The following ADGRV1 variants were observed in gnomAD, a reference collection of about 807,000 sequenced individuals.
The protein encoded by ADGRV1 is G-protein coupled receptor 98.
In ADGRV1, 359 loss-of-function variants were observed where a neutral mutation model predicts 596.2. The ratio of observed to expected loss-of-function variants is 0.60; its 90% CI spans 0.55 to 0.66. The LOEUF (loss-of-function observed/expected upper bound fraction) is 0.66. ADGRV1 is among the 30% of genes least tolerant of loss of function. The pLI, the probability that ADGRV1 is intolerant of heterozygous loss-of-function variation, is 0.00. For missense variants in ADGRV1, 7,274 were observed against 7,575.6 expected (o/e 0.96, Z 1.48); for synonymous variants, 2,681 against 2,679.2 (o/e 1.00, Z -0.02).
At chr5:90,681,589 CA>C (rs1744937116) in intron 27 of ADGRV1, 135 bp downstream of exon 27, 1 of 783,518 alleles carries the variant, frequency 1.3e-6, no homozygotes, top group Non-Finnish European at 1.9e-6. Flanking sequence ...ACAGGCAATA[CA>C]AATTGGTGAT....
At chr5:90,653,008 A>G (rs1405899552) in intron 19 of ADGRV1, among the ~76,000 whole-genome samples, 3 of 152,224 alleles carry the variant, frequency 2.0e-5, no homozygotes, top group Non-Finnish European at 4.4e-5. Context: ...ACTGATTATC[A>G]ATAAAATTAT....
intron 21 of ADGRV1, among the ~76,000 whole-genome samples, chr5:90,661,376 C>T (rs4916682): frequency 0.74 from 112,612 of 152,066 alleles, 42,819 homozygotes; most frequent in African/African-American, 0.91. Context: ...TTCATGAAAA[C>T]AAGAATATCA....
chr5:90,651,924 A>G (rs927838435), intron 18 of ADGRV1, among the ~76,000 whole-genome samples, 194 bp downstream of exon 18: 1 of 152,256 alleles, frequency 6.6e-6, no homozygotes, highest in African/African-American at 2.4e-5. Flanking sequence ...TCTTTTAGCT[A>G]GTAAGCAGAA....
At chr5:90,634,599 G>C (rs1212522866) in intron 9 of ADGRV1, among the ~76,000 whole-genome samples, 1 of 152,120 alleles carries the variant, frequency 6.6e-6, no homozygotes, top group Non-Finnish European at 1.5e-5. Context: ...TGGAAGTGTG[G>C]GTCAGTGGAA....
At chr5:90,790,785 T>C in intron 69 of ADGRV1, 88 bp from the exon 70 acceptor site, 1 of 812,780 alleles carries the variant, frequency 1.2e-6, no homozygotes, top group Non-Finnish European at 1.9e-6. Flanking sequence ...TTTTTTTTTG[T>C]ATATTATAGA....
At chr5:91,147,575 C>T (rs1795658922) in intron 87 of ADGRV1, among the ~76,000 whole-genome samples, 1 of 152,172 alleles carries the variant, frequency 6.6e-6, no homozygotes, top group Non-Finnish European at 1.5e-5. Flanking sequence ...TCTCTCCTGC[C>T]TCCCTGTGAA....
At chr5:90,757,925 G>C (rs1320441218) in intron 57 of ADGRV1, among the ~76,000 whole-genome samples, 1 of 152,116 alleles carries the variant, frequency 6.6e-6, no homozygotes. Context: ...TGTTGCTCAT[G>C]GGGGGCGGTA....
At chr5:90,775,320 A>G (rs578158562) in intron 60 of ADGRV1, among the ~76,000 whole-genome samples, 3 of 152,316 alleles carry the variant, frequency 2.0e-5, no homozygotes, top group African/African-American at 7.2e-5. Flanking sequence ...TAAGGGAATG[A>G]CATCACTGCA....
chr5:90,822,170 C>G (rs1310024772), intron 75 of ADGRV1: 2 of 153,832 alleles, frequency 1.3e-5, no homozygotes, highest in Admixed American at 1.3e-4. Context: ...GTGGGAGTGA[C>G]CCGATTTTCC....
Position 90,823,602 on chromosome 5 carries a change from A to C in ADGRV1, c.16368+6A>C. ...TTGAACTCAAACCAGAAAAGGTAAG[A>C]AATGAAGAGACACACTAGTGTCAAC... On this transcript the variant is annotated splice_donor_region_variant and intron_variant, in intron 76 of 89. Transcript: ENST00000405460. 1 of 1,611,498 alleles carries C rather than the reference A, an allele frequency of 6.2e-7. No individual in the cohort carries two copies. Among genetic ancestry groups the C allele is most frequent in the Non-Finnish European group, 8.5e-7 (1 of 1,177,886 alleles).
intron 86 of ADGRV1, among the ~76,000 whole-genome samples, chr5:91,075,470 G>C (rs1283550919): frequency 6.6e-6 from 1 of 152,086 alleles, no homozygotes; most frequent in Non-Finnish European, 1.5e-5. Flanking sequence ...CTGATTATCA[G>C]AAAAAGATAG....
intron 55 of ADGRV1, among the ~76,000 whole-genome samples, chr5:90,756,018 A>T (rs914178716): frequency 1.3e-4 from 19 of 151,474 alleles, no homozygotes; most frequent in South Asian, 2.1e-4. Context: ...ATTTTTCATT[A>T]TGCAAAAACA....
At position 90,653,193 on chromosome 5, in the gene ADGRV1, A is replaced by C. The variant is rs931462225; in HGVS notation, c.3635-16A>C. The C allele has an allele frequency of 1.1e-5, 17 of 1,572,328 alleles. No homozygotes were observed. In the African/African-American group the frequency reaches 1.4e-4, roughly 13 times the overall value. On this transcript the variant is annotated splice_polypyrimidine_tract_variant and intron_variant, in intron 19 of 89. Coordinates refer to ENST00000405460, the MANE Select transcript of ADGRV1 (RefSeq NM_032119.4). ...TTGAAATTCTAGTTTCTCACTCATA[A>C]ATTTTCTTGTTACAGGTGGATCCCC...
chr5:91,055,729 A>G (rs1786782871), intron 85 of ADGRV1, among the ~76,000 whole-genome samples: 2 of 152,318 alleles, frequency 1.3e-5, no homozygotes, highest in African/African-American at 4.8e-5. Context: ...GTTTTGGTGT[A>G]TTTCCACACA....
intron 84 of ADGRV1, among the ~76,000 whole-genome samples, chr5:90,983,754 A>G (rs1242012019): frequency 6.6e-6 from 1 of 152,248 alleles, no homozygotes; most frequent in African/African-American, 2.4e-5. Flanking sequence ...AATTACAGAT[A>G]TAAGCAGATG....
At chr5:90,672,854 A>G (rs1413172620) in intron 22 of ADGRV1, 132 bp downstream of exon 22, 2 of 651,338 alleles carry the variant, frequency 3.1e-6, no homozygotes, top group East Asian at 2.6e-5. Context: ...TAACTGATAC[A>G]TTAGAATTTG....
At position 90,629,399 on chromosome 5, in the gene ADGRV1, C is replaced by T. The variant is rs374372793; in HGVS notation, c.1699C>T (p.Pro567Ser). Residue 567 changes from proline (P) to serine (S), a missense_variant, in exon 9 of 90, where the codon CCC becomes TCC. Physicochemically the swap from Pro to Ser is moderately conservative, Grantham distance 74 (BLOSUM62 -1). Transcript: ENST00000405460. ...VLYIPAGAVD[P>S]LQAKEGILNI... is the part of the protein sequence containing the mutation. ...TTACATTCCTGCTGGAGCTGTGGAC[C>T]CCTTGCAAGCAAAAGAAGGCATCTT... 6.2e-7 allele frequency: 1 copy of T among 1,613,384 alleles called. No homozygotes were observed. The highest frequency in any genetic ancestry group is 8.5e-7 in the Non-Finnish European group (1 of 1,179,794).
intron 85 of ADGRV1, among the ~76,000 whole-genome samples, chr5:91,008,743 C>T (rs1432750470): frequency 6.6e-6 from 1 of 152,058 alleles, no homozygotes; most frequent in Non-Finnish European, 1.5e-5. Context: ...TCAAGATATC[C>T]TTCCGTCTCG....
At chr5:90,920,563 A>T (rs1773789876) in intron 83 of ADGRV1, among the ~76,000 whole-genome samples, 1 of 152,212 alleles carries the variant, frequency 6.6e-6, no homozygotes, top group South Asian at 2.1e-4. Context: ...GTGAGAAATG[A>T]TTAATATTTT....
Sources: allele counts gnomAD v4.1 joint callset (sites outside exome capture counted in the v4.1 genomes callset), GRCh38; gene constraint gnomAD v4.1.1; transcripts MANE v1.5; gene names NCBI Gene and HGNC (gene_info 2026-07-23, HGNC 2026-07-21).